MRPS27: variants seen among roughly 807,000 people sequenced by gnomAD.
MRPS27 encodes mitochondrial ribosomal protein S27.
A neutral mutation model predicts 48.9 loss-of-function variants in MRPS27; 43 were observed. The ratio of observed to expected loss-of-function variants is 0.88; its 90% confidence interval spans 0.69 to 1.13. The LOEUF (loss-of-function observed/expected upper bound fraction) is 1.13, where lower values mean the gene tolerates loss of function less well. Ranked by LOEUF, MRPS27 falls within the 50% of genes most tolerant of loss-of-function variation. The pLI is 0.00. For missense variants in MRPS27, 467 were observed against 476.3 expected, an observed-to-expected ratio of 0.98 and a Z score of 0.18; for synonymous variants, 188 against 171.9, an observed-to-expected ratio of 1.09 and a Z score of -0.73.
intron 4 of MRPS27, among the ~76,000 whole-genome samples, chr5:72,248,336 T>C (rs1234616263): frequency 6.6e-6 from 1 of 152,182 alleles, no homozygotes; most frequent in Non-Finnish European, 1.5e-5. Context: ...ATTCTGAATA[T>C]GAAAGAGCTG....
chr5:72,311,889 T>C (rs1750449308), intron 2 of MRPS27, among the ~76,000 whole-genome samples: 1 of 152,178 alleles, frequency 6.6e-6, no homozygotes, highest in South Asian at 2.1e-4. Context: ...TCCCAGCACT[T>C]TGGGAGGCTG....
intron 2 of MRPS27, among the ~76,000 whole-genome samples, chr5:72,310,642 A>G: frequency 6.6e-6 from 1 of 152,272 alleles, no homozygotes; most frequent in South Asian, 2.1e-4. Flanking sequence ...AGAAATTTTC[A>G]GAGTTGGAAA....
At position 72,220,905 on chromosome 5, in the gene MRPS27, C is replaced by T; in HGVS notation, c.*4G>A. 6.2e-7 allele frequency: 1 copy of T among 1,613,844 alleles called. No individual in the cohort carries two copies. The highest frequency in any genetic ancestry group is 1.1e-5 in the South Asian group (1 of 91,030). ...TGAGACAGGTGGGGCCCTGGGGGAC[C>T]CTATTAGGCAGATGCCTTTGCTGCT... On this transcript the variant is annotated 3_prime_UTR_variant, in exon 11 of 11. Coordinates refer to ENST00000261413, the MANE Select transcript of MRPS27 (RefSeq NM_015084.3).
chr5:72,228,223 T>A lies in MRPS27; in HGVS notation c.694+43A>T, dbSNP rs1396308937. 2.1e-6 allele frequency: 3 copies of A among 1,447,884 alleles called. No individual in the cohort carries two copies. In the South Asian group the frequency reaches 3.5e-5, roughly 17 times the overall value. The allele number at this position is 1,447,884 out of a possible 1,614,324, so 89.7% of individuals were successfully genotyped here. The stretch of plus-strand genomic sequence containing the variant: ...TTATGAACTGGAAGAATGCAACAAT[T>A]CTAACCATGAAGAACAGTATTTGTA... On this transcript the variant is annotated intron_variant, in intron 8 of 10. Transcript: ENST00000261413.
intron 4 of MRPS27, among the ~76,000 whole-genome samples, chr5:72,245,609 G>A (rs755250089): frequency 2.6e-5 from 4 of 152,148 alleles, no homozygotes; most frequent in African/African-American, 4.8e-5. Context: ...CAAAGGAATA[G>A]AATAGAAATA....
At chr5:72,291,930 A>G (rs1749830277) in intron 4 of MRPS27, among the ~76,000 whole-genome samples, 1 of 152,250 alleles carries the variant, frequency 6.6e-6, no homozygotes, top group African/African-American at 2.4e-5. Context: ...TTTACCATTT[A>G]GCCTGCTAGT....
At chr5:72,228,398 A>T (rs371559599) in intron 7 of MRPS27, 30 bp from the exon 8 acceptor site, 10 of 1,469,134 alleles carry the variant, frequency 6.8e-6, no homozygotes, top group Non-Finnish European at 9.5e-6. Context: ...ATCATGATCC[A>T]TCTAAGCAAT....
chr5:72,304,134 G>A (rs917469944), intron 2 of MRPS27, among the ~76,000 whole-genome samples: 1 of 152,038 alleles, frequency 6.6e-6, no homozygotes, highest in African/African-American at 2.4e-5. Flanking sequence ...ATAGTAGAGT[G>A]TGATGAGCAT....
chr5:72,270,894 A>T (rs1051691889), intron 4 of MRPS27, among the ~76,000 whole-genome samples: 6 of 152,216 alleles, frequency 3.9e-5, no homozygotes, highest in Non-Finnish European at 8.8e-5. Context: ...AAACTCATGT[A>T]ATTGTCTATA....
chr5:72,223,703 G>C lies in MRPS27; in HGVS notation c.985C>G (p.Gln329Glu). 6.2e-7 allele frequency: 1 copy of C among 1,614,022 alleles called. No individual in the cohort carries two copies. The highest frequency in any genetic ancestry group is 8.5e-7 in the Non-Finnish European group (1 of 1,179,926). The change falls in exon 10 of 11, where the codon CAA (glutamine) becomes GAA (glutamate). Residue 329 changes from glutamine to glutamate, a missense_variant. By Grantham distance (29) the Gln-to-Glu change is conservative. Coordinates refer to ENST00000261413, the MANE Select transcript of MRPS27 (RefSeq NM_015084.3). ...TTCACCTTAAATCGTTCCAGGTATT[G>C]AGGAAGCTTGGACTGCTCTGTTTCC... Reference protein sequence around the residue: ...IEETEQSKLPQYLERFKALHS... With the variant: ...IEETEQSKLPEYLERFKALHS...
intron 7 of MRPS27, 119 bp downstream of exon 7, chr5:72,232,324 C>A (rs1189597789): frequency 1.6e-6 from 1 of 619,854 alleles, no homozygotes. Context: ...ATACAATAAA[C>A]ACACATTCCT....
At chr5:72,291,789 A>C (rs1414578360) in intron 4 of MRPS27, among the ~76,000 whole-genome samples, 1 of 152,284 alleles carries the variant, frequency 6.6e-6, no homozygotes, top group Non-Finnish European at 1.5e-5. Context: ...AAGCAAAAGC[A>C]AATGGCCTGT....
chr5:72,222,798 G>A (rs1177211431), intron 10 of MRPS27, among the ~76,000 whole-genome samples: 1 of 152,176 alleles, frequency 6.6e-6, no homozygotes, highest in Non-Finnish European at 1.5e-5. Context: ...GGGAAGTTGA[G>A]CAATGACTTT....
intron 2 of MRPS27, among the ~76,000 whole-genome samples, chr5:72,302,952 C>T (rs1231951948): frequency 6.6e-6 from 1 of 152,216 alleles, no homozygotes; most frequent in Non-Finnish European, 1.5e-5. Context: ...CAAGTCAGCC[C>T]TCATGCCTCT....
intron 4 of MRPS27, among the ~76,000 whole-genome samples, chr5:72,277,552 C>T (rs898810166): frequency 4.6e-5 from 7 of 151,274 alleles, no homozygotes; most frequent in African/African-American, 1.2e-4. Context: ...TGCAGTGAGC[C>T]GAGATCTTGC....
At chr5:72,298,901 T>C (rs555787591) in intron 2 of MRPS27, among the ~76,000 whole-genome samples, 6 of 151,128 alleles carry the variant, frequency 4.0e-5, no homozygotes, top group Non-Finnish European at 5.9e-5. Context: ...ATACAGAAAA[T>C]ATGGTACATA....
chr5:72,298,106 G>A (rs1750027163), intron 2 of MRPS27, among the ~76,000 whole-genome samples: 1 of 152,048 alleles, frequency 6.6e-6, no homozygotes, highest in African/African-American at 2.4e-5. Flanking sequence ...CTACAGAATG[G>A]GAGAAAATAT....
chr5:72,286,543 T>C (rs1443816117), intron 4 of MRPS27, among the ~76,000 whole-genome samples: 5 of 152,206 alleles, frequency 3.3e-5, no homozygotes, highest in African/African-American at 4.8e-5. Flanking sequence ...GTCAAAAAAT[T>C]AGCTTTGATC....
At chr5:72,250,971 T>C (rs560462276) in intron 4 of MRPS27, among the ~76,000 whole-genome samples, 1 of 152,302 alleles carries the variant, frequency 6.6e-6, no homozygotes, top group South Asian at 2.1e-4. Flanking sequence ...ATCCAGTTTA[T>C]CTGGTAAAAC....
Sources: allele counts gnomAD v4.1 joint callset (sites outside exome capture counted in the v4.1 genomes callset), GRCh38; gene constraint gnomAD v4.1.1; transcripts MANE v1.5; gene names NCBI Gene and HGNC (gene_info 2026-07-23, HGNC 2026-07-21).